The following HERC1 variants were observed in gnomAD, a reference collection of about 807,000 sequenced individuals.
HERC1 encodes the protein probable E3 ubiquitin-protein ligase HERC1.
HERC1 carries 160 observed loss-of-function variants against 554.3 expected under a neutral mutation model. The ratio of observed to expected loss-of-function variants is 0.29; its 90% CI spans 0.25 to 0.33. HERC1 has a LOEUF of 0.33. HERC1 is among the 10% of genes least tolerant of loss of function. The pLI is 1.00. For synonymous variants in HERC1, 2,175 were observed against 2,131.7 expected, an observed-to-expected ratio of 1.02 and a Z score of -0.56; for missense variants, 4,919 against 5,918.5, an observed-to-expected ratio of 0.83 and a Z score of 5.54.
At chr15:63,649,179 C>G (rs1032491485) in intron 54 of HERC1, among the ~76,000 whole-genome samples, 7 of 152,162 alleles carry the variant, frequency 4.6e-5, no homozygotes, top group East Asian at 1.9e-4. Context: ...ATGGTGAAAC[C>G]CTGTCTCTAC....
At chr15:63,619,113 T>C (rs545934009) in intron 74 of HERC1, among the ~76,000 whole-genome samples, 24 of 152,356 alleles carry the variant, frequency 1.6e-4, no homozygotes, top group African/African-American at 5.5e-4. Flanking sequence ...GCCCATTCAG[T>C]ATGATATTGG....
intron 31 of HERC1, among the ~76,000 whole-genome samples, chr15:63,691,430 C>T (rs1483675671): frequency 2.0e-5 from 3 of 151,864 alleles, no homozygotes; most frequent in Non-Finnish European, 1.5e-5. Flanking sequence ...CACACCACTG[C>T]ACTCCAGCCT....
chr15:63,767,471 G>T (rs372429637), intron 2 of HERC1, among the ~76,000 whole-genome samples: 1 of 151,954 alleles, frequency 6.6e-6, no homozygotes. Flanking sequence ...AGGCCAAGGC[G>T]GGTGGATCAT....
chr15:63,726,520 T>C (rs1014197981), intron 17 of HERC1, among the ~76,000 whole-genome samples: 1 of 152,158 alleles, frequency 6.6e-6, no homozygotes, highest in Non-Finnish European at 1.5e-5. Flanking sequence ...GATATAACCA[T>C]AGATATACTA....
At position 63,727,705 on chromosome 15, in the gene HERC1, A is replaced by G; in HGVS notation, c.3288T>C (p.Asn1096=). The part of the protein sequence containing the change: ...LDLLPPLDCL[N]RLLPAADLLE... ...AAAGATCAGCAGCTGGCAGGAGTCT[A>G]TTAAGGCAATCAAGAGGTGGCAACA... The change falls in exon 17 of 78, where the codon AAT becomes AAC. Residue 1096 remains asparagine (N), a synonymous_variant. Coordinates refer to ENST00000443617, the MANE Select transcript of HERC1 (RefSeq NM_003922.4). The surrounding 1 kb of genome is among the most constrained non-coding windows in gnomAD (Gnocchi z 4.3). 1.2e-6 allele frequency: 2 copies of G among 1,613,860 alleles called. No individual in the cohort carries two copies. Among genetic ancestry groups the G allele is most frequent in the Non-Finnish European group, 1.7e-6 (2 of 1,179,836 alleles).
intron 1 of HERC1, among the ~76,000 whole-genome samples, chr15:63,786,877 T>C (rs2076464744): frequency 6.6e-6 from 1 of 152,060 alleles, no homozygotes; most frequent in South Asian, 2.1e-4. Flanking sequence ...CACTTTAAGA[T>C]GGTTAATTGT....
chr15:63,729,987 T>C (rs536160715), intron 14 of HERC1, among the ~76,000 whole-genome samples: 80 of 140,386 alleles, frequency 5.7e-4, no homozygotes, highest in African/African-American at 1.4e-3. Context: ...GATCACGCCA[T>C]TGCACTCCAG....
At chr15:63,650,446 C>A (rs1486251381) in intron 53 of HERC1, among the ~76,000 whole-genome samples, 2 of 149,070 alleles carry the variant, frequency 1.3e-5, no homozygotes, top group Admixed American at 1.3e-4. Context: ...GAGGGTCTTG[C>A]TGTGTTGCCC....
intron 3 of HERC1, among the ~76,000 whole-genome samples, chr15:63,760,104 G>T (rs905960667): frequency 8.1e-5 from 4 of 49,426 alleles, no homozygotes; most frequent in Non-Finnish European, 1.2e-4. Flanking sequence ...AAAACTACTG[G>T]GGGCAGAAAA....
Position 63,612,668 on chromosome 15 carries a change from T to C in HERC1, c.14095-112A>G, listed in dbSNP as rs1263245141. 5.0e-6 allele frequency: 5 copies of C among 991,892 alleles called. No individual in the cohort carries two copies. The African/African-American group carries it at 6.5e-5, about 13-fold the overall frequency. The allele number at this position is 991,892 out of a possible 1,614,324, so 61.4% of individuals were successfully genotyped here. On this transcript the variant is annotated intron_variant, in intron 76 of 77. Coordinates refer to ENST00000443617, the MANE Select transcript of HERC1 (RefSeq NM_003922.4). The surrounding 1 kb of genome is among the most constrained non-coding windows in gnomAD (Gnocchi z 5.0). ...GCCTGCTCGTCCGCTCCCCAGACCC[T>C]CTACTTGTTTCTCAGACCGCCAGGC...
chr15:63,652,535 T>A lies in HERC1; in HGVS notation c.10297A>T (p.Thr3433Ser). The change falls in exon 52 of 78, where the codon ACA becomes TCA. Residue 3433 changes from threonine to serine, a missense_variant. Thr to Ser is a moderately conservative substitution (Grantham distance 58, BLOSUM62 1). Coordinates refer to ENST00000443617, the MANE Select transcript of HERC1 (RefSeq NM_003922.4). ...CCTTTTTTATTACACCAAACACATG[T>A]CATTACCTAGAAAAGTTGAAACAGG... is the stretch of plus-strand genomic sequence containing the variant. ...KLEAHQNRVM[T>S]CVWCNKKGLL... The A allele has an allele frequency of 6.3e-7, 1 of 1,588,826 alleles. No individual in the cohort carries two copies.
intron 3 of HERC1, among the ~76,000 whole-genome samples, chr15:63,763,694 G>C (rs1438748409): frequency 6.6e-6 from 1 of 151,792 alleles, no homozygotes. Context: ...ACTTTGGGGA[G>C]GAGAAAAGAG....
intron 1 of HERC1, among the ~76,000 whole-genome samples, chr15:63,792,365 A>G (rs1158334580): frequency 6.6e-6 from 1 of 152,208 alleles, no homozygotes; most frequent in East Asian, 1.9e-4. Flanking sequence ...GGTTCTTACT[A>G]CATTCTATCC....
At chr15:63,762,070 C>T (rs1250725815) in intron 3 of HERC1, among the ~76,000 whole-genome samples, 1 of 152,042 alleles carries the variant, frequency 6.6e-6, no homozygotes, top group African/African-American at 2.4e-5. Context: ...TAAAAGAAAC[C>T]AGGACTTTTT....
intron 14 of HERC1, among the ~76,000 whole-genome samples, chr15:63,731,972 G>C (rs1397055725): frequency 6.6e-6 from 1 of 152,148 alleles, no homozygotes; most frequent in African/African-American, 2.4e-5. Context: ...TGGTGTGTGA[G>C]CCGATGATAA....
Position 63,763,874 on chromosome 15 carries a change from A to T in HERC1, c.1026+222T>A, listed in dbSNP as rs79490559. ...TTTTCAATTAAAGTTACCAGCACAT[A>T]ATTCAAAAATCAAAATAAATGAAAG... On this transcript the variant is annotated intron_variant, in intron 3 of 77. Transcript: ENST00000443617. Among the ~76,000 whole-genome samples the T allele has an allele frequency of 6.6e-3, 1,009 of 152,250 alleles. 18 individuals are homozygous for T. The highest frequency in any genetic ancestry group is 0.024 in the African/African-American group (976 of 41,520).
rs1317271542 is a variant in HERC1 at position 63,775,571 on chromosome 15, C to T, written c.53G>A (p.Ser18Asn). The T allele has an allele frequency of 6.2e-7, 1 of 1,611,690 alleles. No homozygotes were observed. Among genetic ancestry groups the T allele is most frequent in the Non-Finnish European group, 8.5e-7 (1 of 1,178,914 alleles). The change falls in exon 2 of 78, where the codon AGC becomes AAC. Residue 18 changes from serine to asparagine, a missense_variant. Physicochemically the swap from Ser to Asn is conservative, Grantham distance 46. Coordinates refer to ENST00000443617, the MANE Select transcript of HERC1 (RefSeq NM_003922.4). This position sits in a 1 kb window ranked among gnomAD's most constrained non-coding sequence, Gnocchi z 4.0. ...TTCACTGTCCTCTGTAATCCAGGAG[C>T]TGTTCAAGTGTTCAAGCCATTTCAG... ...VKLKWLEHLN[S>N]SWITEDSESI... is the part of the protein sequence containing the mutation.
At chr15:63,809,857 T>A (rs919588894) in intron 1 of HERC1, among the ~76,000 whole-genome samples, 2 of 152,022 alleles carry the variant, frequency 1.3e-5, no homozygotes, top group Admixed American at 6.6e-5. Context: ...TCTGCTTTTT[T>A]AAAATAGAGA....
chr15:63,676,382 T>A (rs757639744), intron 37 of HERC1, among the ~76,000 whole-genome samples: 2 of 152,228 alleles, frequency 1.3e-5, no homozygotes, highest in Admixed American at 6.5e-5. Flanking sequence ...TATGTGTATG[T>A]ATTTTTTGGC....
Sources: gnomAD v4.1 joint callset for allele counts (sites outside exome capture counted in the v4.1 genomes callset) on GRCh38, gnomAD v4.1.1 for gene constraint, Gnocchi (gnomAD v3.1) non-coding constraint, MANE v1.5 for transcripts, NCBI Gene and HGNC (gene_info 2026-07-23, HGNC 2026-07-21) for gene names.